P2RY6: variants seen among roughly 807,000 people sequenced by gnomAD.
P2RY6 encodes P2Y purinoceptor 6.
In P2RY6, 19 loss-of-function variants were observed where a neutral mutation model predicts 16.3. The observed-to-expected ratio is 1.16, with a 90% CI of 0.81 to 1.71. The LOEUF is 1.71. Ranked by LOEUF, P2RY6 falls within the 40% of genes most tolerant of loss-of-function variation. The pLI is 0.00. For missense variants in P2RY6, 389 were observed against 455.5 expected (o/e 0.85, Z 1.33); for synonymous variants, 184 against 201.5 (o/e 0.91, Z 0.74).
At chr11:73,267,027 A>C (rs1175448501) in intron 1 of P2RY6, among the ~76,000 whole-genome samples, 1 of 152,200 alleles carries the variant, frequency 6.6e-6, no homozygotes, top group Non-Finnish European at 1.5e-5. Flanking sequence ...TTCTGGCTAT[A>C]ATTGTTTATA....
chr11:73,287,330 T>G (rs1387683818), intron 1 of P2RY6, among the ~76,000 whole-genome samples: 2 of 152,342 alleles, frequency 1.3e-5, no homozygotes, highest in South Asian at 2.1e-4. Flanking sequence ...CTCTGAGGCA[T>G]GCAGTGAAGG....
At chr11:73,266,077 C>T (rs1863093500) in intron 1 of P2RY6, among the ~76,000 whole-genome samples, 1 of 152,150 alleles carries the variant, frequency 6.6e-6, no homozygotes, top group African/African-American at 2.4e-5. Context: ...CCCTGCCCAC[C>T]CCAGGAACTC....
chr11:73,277,991 TTTGTTTG>T (rs1164155855), intron 1 of P2RY6, among the ~76,000 whole-genome samples: 2 of 152,130 alleles, frequency 1.3e-5, no homozygotes, highest in African/African-American at 4.8e-5. Flanking sequence ...TGTTTGTTTG[TTTGTTTG>T]TTGTTATTTT....
chr11:73,296,232 AAAT>A lies in P2RY6; in HGVS notation c.-34-251_-34-249del, dbSNP rs1160145505. Among the ~76,000 whole-genome samples the A allele has an allele frequency of 3.9e-3, 514 of 132,850 alleles. 1 individual carries two copies. Among genetic ancestry groups the A allele is most frequent in the Non-Finnish European group, 5.5e-3 (353 of 63,770 alleles). The allele number at this position is 132,850 out of a possible 152,430, so 87.2% of individuals were successfully genotyped here. ...ACTAGGAAGGCTGAAGGAAAAAAAA[AAAT>A]ATATATATATATATATATATATAAT... is the stretch of plus-strand genomic sequence containing the variant. On this transcript the variant is annotated intron_variant, in intron 2 of 2. Transcript: ENST00000540124.
At chr11:73,274,977 G>A (rs553325280) in intron 1 of P2RY6, among the ~76,000 whole-genome samples, 4 of 152,378 alleles carry the variant, frequency 2.6e-5, no homozygotes, top group Admixed American at 6.5e-5. Context: ...CCAATGCCCC[G>A]GCATGGGGTG....
chr11:73,293,572 C>T (rs1269481114), intron 1 of P2RY6, among the ~76,000 whole-genome samples: 3 of 152,248 alleles, frequency 2.0e-5, no homozygotes, highest in Non-Finnish European at 4.4e-5. Context: ...GCCAAGAGCA[C>T]CCTCCTTGAG....
chr11:73,265,360 T>A (rs772781654), intron 1 of P2RY6: 1 of 152,210 alleles, frequency 6.6e-6, no homozygotes, highest in Non-Finnish European at 1.5e-5. Flanking sequence ...CTCATTTTTT[T>A]ATCTTCCAAA....
intron 1 of P2RY6, among the ~76,000 whole-genome samples, chr11:73,282,450 C>T (rs1863803011): frequency 6.6e-6 from 1 of 152,178 alleles, no homozygotes; most frequent in Non-Finnish European, 1.5e-5. Flanking sequence ...ACAGCCTTAC[C>T]TCCTGCAAGG....
Position 73,296,961 on chromosome 11 carries a change from G to A in P2RY6, c.443G>A (p.Cys148Tyr), listed in dbSNP as rs1248275308. The A allele has an allele frequency of 1.2e-6, 2 of 1,603,710 alleles. No individual in the cohort carries two copies. The highest frequency in any genetic ancestry group is 1.7e-5 in the Admixed American group (1 of 60,028). ...GGCCGCCGGGCTGCCTGGCTAGTGT[G>A]TGTAGCCGTGTGGCTGGCCGTGACA... The part of the protein sequence containing the change: ...RGGRRAAWLV[C>Y]VAVWLAVTTQ... Residue 148 changes from cysteine (C) to tyrosine (Y), a missense_variant, in exon 3 of 3, where the codon TGT becomes TAT. By Grantham distance (194) the Cys-to-Tyr change is radical (BLOSUM62 -2). Transcript: ENST00000540124.
At chr11:73,273,641 T>C (rs1004981331) in intron 1 of P2RY6, among the ~76,000 whole-genome samples, 6 of 152,196 alleles carry the variant, frequency 3.9e-5, no homozygotes, top group Admixed American at 3.3e-4. Flanking sequence ...TTTCTGAGCC[T>C]GCCGACTCTT....
Position 73,296,652 on chromosome 11 carries a change from TC to T in P2RY6, c.135del (p.Cys46ValfsTer13), listed in dbSNP as rs1225080035. ...AVLAAGLPLN[I>X]CVITQICTSR... ...CTGGCGGCTGGCCTGCCGCTGAACA[TC>T]TGTGTCATTACCCAGATCTGCACGT... On this transcript the variant is annotated frameshift_variant, in exon 3 of 3. Coordinates refer to ENST00000540124, the MANE Select transcript of P2RY6 (RefSeq NM_001277204.2). LOFTEE classifies it high-confidence loss of function. 1.9e-6 allele frequency: 3 copies of T among 1,614,126 alleles called. No individual in the cohort carries two copies. In the Admixed American group the frequency reaches 5.0e-5, roughly 27 times the overall value.
chr11:73,281,163 A>G (rs1302585585), intron 1 of P2RY6, among the ~76,000 whole-genome samples: 3 of 152,168 alleles, frequency 2.0e-5, no homozygotes, highest in African/African-American at 7.2e-5. Flanking sequence ...GGATTAGAGG[A>G]CAGCGGGCTC....
intron 1 of P2RY6, among the ~76,000 whole-genome samples, chr11:73,288,196 T>C (rs754882306): frequency 1.3e-5 from 2 of 152,232 alleles, no homozygotes; most frequent in Non-Finnish European, 2.9e-5. Context: ...AATGAATACA[T>C]GTGTCCAGGT....
At chr11:73,285,539 A>G (rs981452685) in intron 1 of P2RY6, among the ~76,000 whole-genome samples, 1 of 152,176 alleles carries the variant, frequency 6.6e-6, no homozygotes. Context: ...GACTGGCCAC[A>G]AACAGGCCAG....
chr11:73,277,609 A>T (rs1863591231), intron 1 of P2RY6, among the ~76,000 whole-genome samples: 1 of 152,266 alleles, frequency 6.6e-6, no homozygotes, highest in African/African-American at 2.4e-5. Context: ...CAATTCCTGC[A>T]GGACAATGCA....
In P2RY6 at chr11:73,296,924, C is replaced by G. The variant is rs1301811227; in HGVS notation, c.406C>G (p.His136Asp). The G allele has an allele frequency of 1.9e-6, 3 of 1,608,386 alleles. No individual in the cohort carries two copies. The highest frequency in any genetic ancestry group is 2.5e-6 in the Non-Finnish European group (3 of 1,180,012). The change falls in exon 3 of 3, where the codon CAC (histidine) becomes GAC (aspartate). Residue 136 changes from histidine (H) to aspartate (D), a missense_variant. Transcript: ENST00000540124. ...CATCTGCCACCCGCTGGCCCCCTGG[C>G]ACAAACGTGGGGGCCGCCGGGCTGC... ...LGICHPLAPW[H>D]KRGGRRAAWL...
chr11:73,290,602 CT>C (rs57039550), intron 1 of P2RY6, among the ~76,000 whole-genome samples: 2,145 of 152,380 alleles, frequency 0.014, 57 homozygotes, highest in African/African-American at 0.048. Flanking sequence ...AGAGGTTAAG[CT>C]CATTCCCCAC....
At position 73,296,538 on chromosome 11, in the gene P2RY6, C is replaced by T; in HGVS notation, c.20C>T (p.Thr7Ile). The change falls in exon 3 of 3, where the codon ACA becomes ATA. Residue 7 changes from threonine to isoleucine, a missense_variant. By Grantham distance (89) the Thr-to-Ile change is moderately conservative. Transcript: ENST00000540124. MEWDNG[T>I]GQALGLPPTT... The stretch of plus-strand genomic sequence containing the variant: ...GCAGCCATGGAATGGGACAATGGCA[C>T]AGGCCAGGCTCTGGGCTTGCCACCC... 6.2e-7 allele frequency: 1 copy of T among 1,614,022 alleles called. No individual in the cohort carries two copies. Among genetic ancestry groups the T allele is most frequent in the Non-Finnish European group, 8.5e-7 (1 of 1,179,910 alleles).
intron 1 of P2RY6, among the ~76,000 whole-genome samples, chr11:73,281,339 C>A (rs1014714313): frequency 6.6e-6 from 1 of 152,212 alleles, no homozygotes; most frequent in Non-Finnish European, 1.5e-5. Context: ...TGGGCTTCAC[C>A]ACCCAAGCCC....
Sources: gnomAD v4.1 joint callset for allele counts (sites outside exome capture counted in the v4.1 genomes callset) on GRCh38, gnomAD v4.1.1 for gene constraint, MANE v1.5 for transcripts, NCBI Gene and HGNC (gene_info 2026-07-23, HGNC 2026-07-21) for gene names.